NAV2: variants seen among roughly 807,000 people sequenced by gnomAD.
The protein encoded by NAV2 is helicase, APC down-regulated 1.
NAV2 carries 54 observed loss-of-function variants against 223.2 expected under a neutral mutation model. The ratio of observed to expected loss-of-function variants is 0.24; its 90% confidence interval spans 0.19 to 0.30. The LOEUF is 0.30. NAV2 is among the 10% of genes least tolerant of loss of function. The pLI, the probability that NAV2 is intolerant of heterozygous loss-of-function variation, is 1.00. For missense variants in NAV2, 2,806 were observed against 3,147.5 expected, an observed-to-expected ratio of 0.89 and a Z score of 2.60; for synonymous variants, 1,279 against 1,239.3, an observed-to-expected ratio of 1.03 and a Z score of -0.67.
chr11:19,557,880 A>G (rs7109629), intron 1 of NAV2, among the ~76,000 whole-genome samples: 14,279 of 152,194 alleles, frequency 0.094, 2,241 homozygotes, highest in African/African-American at 0.33. Context: ...GCATCGAGCC[A>G]GAATGACAGA....
At chr11:19,453,108 T>C (rs1276949584) in intron 1 of NAV2, among the ~76,000 whole-genome samples, 1 of 152,210 alleles carries the variant, frequency 6.6e-6, no homozygotes, top group Non-Finnish European at 1.5e-5. Context: ...ACTGGGATCA[T>C]AACTGGGATT....
rs184135702 is a variant in NAV2 at position 19,416,426 on chromosome 11, C to A, written c.75+65399C>A. Among the ~76,000 whole-genome samples the A allele has an allele frequency of 7.4e-4, 112 of 152,280 alleles. 1 individual carries two copies. Among genetic ancestry groups the A allele is most frequent in the African/African-American group, 2.7e-3 (111 of 41,540 alleles). On this transcript the variant is annotated intron_variant, in intron 1 of 37. Transcript: ENST00000360655. ...CCTCTTCAAGGAGAACTACAAAGCACTGCTCAAGGAAATAAGAGAGGACAC... is the reference window on the plus strand; with the variant it reads ...CCTCTTCAAGGAGAACTACAAAGCAATGCTCAAGGAAATAAGAGAGGACAC...
intron 1 of NAV2, among the ~76,000 whole-genome samples, chr11:19,357,665 A>T (rs1853697626): frequency 6.6e-6 from 1 of 152,206 alleles, no homozygotes; most frequent in South Asian, 2.1e-4. Flanking sequence ...TGAAGGTCAC[A>T]TAAAATTCCT....
chr11:19,444,119 T>C (rs12295258), intron 1 of NAV2, among the ~76,000 whole-genome samples: 38,855 of 152,016 alleles, frequency 0.26, 5,344 homozygotes, highest in Non-Finnish European at 0.31. Context: ...ATTTTTGTAT[T>C]TTTAGTAGAG....
intron 1 of NAV2, among the ~76,000 whole-genome samples, chr11:19,777,193 AGGCGGGGAGGCC>A (rs1311552779): frequency 2.1e-5 from 3 of 145,338 alleles, no homozygotes; most frequent in Non-Finnish European, 4.5e-5. Flanking sequence ...GATTTGGCGG[AGGCGGGGAGGCC>A]GGCGGGGAGC....
chr11:19,579,721 C>T (rs553196175), intron 1 of NAV2, among the ~76,000 whole-genome samples: 1 of 152,322 alleles, frequency 6.6e-6, no homozygotes. Flanking sequence ...AGTAAGCACC[C>T]AATAAATGTT....
In NAV2 at chr11:19,846,266, A is replaced by T. The variant is rs561189410; in HGVS notation, c.438+3343A>T. ...CAAACAATCATCCATTGATTGTACC[A>T]AATTGCCATGAACTGTGTCTGGTGA... On this transcript the variant is annotated intron_variant, in intron 3 of 37. Coordinates refer to ENST00000349880, the MANE Select transcript of NAV2 (RefSeq NM_145117.5). 3.3e-5 allele frequency among the ~76,000 whole-genome samples: 5 copies of T among 152,306 alleles called. No homozygotes were observed. The East Asian group carries it at 9.7e-4, about 29-fold the overall frequency.
At chr11:19,830,659 A>G (rs1281604692) in intron 1 of NAV2, among the ~76,000 whole-genome samples, 2 of 152,240 alleles carry the variant, frequency 1.3e-5, no homozygotes, top group Non-Finnish European at 2.9e-5. Flanking sequence ...GGTACTTGGC[A>G]TACGTCATTA....
At chr11:19,866,910 C>A (rs972840991) in intron 3 of NAV2, among the ~76,000 whole-genome samples, 2 of 152,012 alleles carry the variant, frequency 1.3e-5, no homozygotes, top group Admixed American at 1.3e-4. Context: ...GCCTCACTCA[C>A]CAGCCATGTG....
At chr11:19,912,748 A>G (rs1235896950) in intron 6 of NAV2, among the ~76,000 whole-genome samples, 1 of 152,170 alleles carries the variant, frequency 6.6e-6, no homozygotes, top group East Asian at 1.9e-4. Context: ...CCCTCTGAGG[A>G]ACATTACTGT....
chr11:19,941,011 A>G (rs1486770505), intron 8 of NAV2, among the ~76,000 whole-genome samples: 1 of 152,176 alleles, frequency 6.6e-6, no homozygotes, highest in Non-Finnish European at 1.5e-5. Context: ...GCAGACATCA[A>G]AAGAGCGAGG....
intron 1 of NAV2, among the ~76,000 whole-genome samples, chr11:19,411,016 C>A (rs951482492): frequency 5.9e-5 from 9 of 152,232 alleles, no homozygotes; most frequent in African/African-American, 1.4e-4. Context: ...GGAAAGGCTC[C>A]CCTATCTCCC....
chr11:20,082,696 C>T (rs1253519664), intron 25 of NAV2: 35 of 1,259,090 alleles, frequency 2.8e-5, no homozygotes, highest in Non-Finnish European at 3.7e-5. Flanking sequence ...GAGCATCCTG[C>T]TTTGTTGCTG....
chr11:19,895,893 G>A (rs1222763362), intron 6 of NAV2, among the ~76,000 whole-genome samples: 4 of 152,004 alleles, frequency 2.6e-5, no homozygotes, highest in African/African-American at 9.7e-5. Flanking sequence ...AACCACCCGG[G>A]TAAGACACAA....
At chr11:19,345,411 G>C in the NAV2 span, among the ~76,000 whole-genome samples, 4 of 152,254 alleles carry the variant, frequency 2.6e-5, no homozygotes, top group African/African-American at 9.6e-5. The surrounding 1 kb of genome is among the most constrained non-coding windows in gnomAD (Gnocchi z 5.2). Context: ...GGGTGGGCAA[G>C]GAGGAGAGGA....
chr11:20,072,947 C>A (rs1426115993), intron 22 of NAV2, among the ~76,000 whole-genome samples: 1 of 152,114 alleles, frequency 6.6e-6, no homozygotes, highest in African/African-American at 2.4e-5. Flanking sequence ...TGCTTGATTG[C>A]CCTGGCCAGA....
chr11:19,926,247 A>G (rs939311837), intron 6 of NAV2, among the ~76,000 whole-genome samples: 4 of 152,198 alleles, frequency 2.6e-5, no homozygotes, highest in Non-Finnish European at 4.4e-5. Flanking sequence ...AAGCATATGG[A>G]ATTATAGACA....
intron 1 of NAV2, among the ~76,000 whole-genome samples, chr11:19,354,400 C>A (rs1221502039): frequency 2.0e-5 from 3 of 152,214 alleles, no homozygotes; most frequent in African/African-American, 7.2e-5. Flanking sequence ...TTAGTTTAAA[C>A]TTCAATAGCT....
At chr11:19,520,291 C>T (rs980994695) in intron 1 of NAV2, among the ~76,000 whole-genome samples, 2 of 152,240 alleles carry the variant, frequency 1.3e-5, no homozygotes, top group Non-Finnish European at 2.9e-5. Flanking sequence ...TTTTCAGGCA[C>T]GCACGGCCAG....
Sources: gnomAD v4.1 joint callset for allele counts (sites outside exome capture counted in the v4.1 genomes callset) on GRCh38, gnomAD v4.1.1 for gene constraint, Gnocchi (gnomAD v3.1) non-coding constraint, MANE v1.5 for transcripts, NCBI Gene and HGNC (gene_info 2026-07-23, HGNC 2026-07-21) for gene names.